LPA: variants seen among roughly 807,000 people sequenced by gnomAD.
LPA encodes apolipoprotein(a).
In LPA, 199 loss-of-function variants were observed where a neutral mutation model predicts 197.9. The ratio of observed to expected loss-of-function variants is 1.01; its 90% CI spans 0.90 to 1.13. The LOEUF (loss-of-function observed/expected upper bound fraction) is 1.13, where lower values mean the gene tolerates loss of function less well. LPA is among the 50% of genes most tolerant of loss of function. The pLI, the probability that LPA is intolerant of heterozygous loss-of-function variation, is 0.00. For synonymous variants in LPA, 715 were observed against 639.5 expected (o/e 1.12, Z -1.78); for missense variants, 1,853 against 1,785.8 (o/e 1.04, Z -0.68).
intron 36 of LPA, 34 bp downstream of exon 36, chr6:160,540,009 C>T (rs759840734): frequency 1.2e-6 from 2 of 1,614,026 alleles, no homozygotes; most frequent in South Asian, 1.1e-5. Context: ...ATATCTTCAC[C>T]AGCGTGGGGT....
chr6:160,585,278 A>C, intron 25 of LPA, 73 bp from the exon 26 acceptor site: 1 of 1,414,484 alleles, frequency 7.1e-7, no homozygotes, highest in Non-Finnish European at 1.0e-6. Flanking sequence ...ATGACACACA[A>C]AGTGGAATAA....
intron 16 of LPA, among the ~76,000 whole-genome samples, chr6:160,609,702 T>A (rs1467898434): frequency 6.6e-6 from 1 of 152,104 alleles, no homozygotes; most frequent in Admixed American, 6.6e-5. Flanking sequence ...TCTTATATTT[T>A]CCTGCATGTC....
chr6:160,538,479 A>G (rs1222723536), intron 36 of LPA, among the ~76,000 whole-genome samples: 1 of 152,192 alleles, frequency 6.6e-6, no homozygotes, highest in African/African-American at 2.4e-5. Context: ...CATCAAATGA[A>G]AGAGGATGGG....
chr6:160,568,633 C>T (rs1583584694), intron 28 of LPA, among the ~76,000 whole-genome samples: 1 of 152,212 alleles, frequency 6.6e-6, no homozygotes, highest in African/African-American at 2.4e-5. Flanking sequence ...GAAGTTCTGG[C>T]CAGGGCAATT....
chr6:160,565,362 T>C (rs746317881), intron 28 of LPA, among the ~76,000 whole-genome samples: 8 of 152,310 alleles, frequency 5.3e-5, no homozygotes, highest in Non-Finnish European at 1.0e-4. Flanking sequence ...TTTGCTGTTC[T>C]GTAATATTTG....
chr6:160,564,193 T>A (rs1778410480), intron 28 of LPA, among the ~76,000 whole-genome samples: 1 of 152,250 alleles, frequency 6.6e-6, no homozygotes, highest in East Asian at 1.9e-4. Context: ...GTTTTTGCAG[T>A]AGCTGTTACT....
At chr6:160,587,739 T>G (rs1778938050) in intron 24 of LPA, among the ~76,000 whole-genome samples, 1 of 148,836 alleles carries the variant, frequency 6.7e-6, no homozygotes, top group South Asian at 2.2e-4. Flanking sequence ...TGTTGATTAA[T>G]AGGTTCAGTC....
At chr6:160,589,812 G>T in intron 23 of LPA, 100 bp from the exon 24 acceptor site, 1 of 1,377,202 alleles carries the variant, frequency 7.3e-7, no homozygotes, top group Non-Finnish European at 1.0e-6. Context: ...CTCTGAAAAT[G>T]ACGACCATGC....
chr6:160,608,499 C>G (rs1284599270), intron 16 of LPA, among the ~76,000 whole-genome samples: 1 of 152,118 alleles, frequency 6.6e-6, no homozygotes, highest in Non-Finnish European at 1.5e-5. Flanking sequence ...TGTTTTTCCC[C>G]AGTTTCTCAT....
chr6:160,597,531 A>T (rs1382366165), intron 20 of LPA, among the ~76,000 whole-genome samples: 4 of 152,148 alleles, frequency 2.6e-5, no homozygotes, highest in African/African-American at 9.7e-5. Context: ...CTATTGAATT[A>T]TTTTTCAGTT....
rs535956617 is a variant in LPA at position 160,545,821 on chromosome 6, T to A, written c.5305-288A>T. ...CAGGAGCTTGACCCACTGGAGGTCT[T>A]AGAGCTAGAGCCTCAGAGGACAGTG... On this transcript the variant is annotated intron_variant, in intron 32 of 38. Transcript: ENST00000316300. Among the ~76,000 whole-genome samples, 6 of 152,220 alleles carry A rather than the reference T, an allele frequency of 3.9e-5. No individual in the cohort carries two copies. In the East Asian group the frequency reaches 7.7e-4, roughly 20 times the overall value.
rs1167489693 is a variant in LPA at position 160,606,551 on chromosome 6, G to C, written c.2711C>G (p.Ser904Ter). ...RWEYCNLTQC[S>*]DAEGTAVAPP... is the part of the protein sequence containing the mutation. ...CGCGACGGCAGTCCCTTCTGCGTCT[G>C]AGCATTGTGTCAGGTTGCAGTACTC... Residue 904 changes from serine (S) to a stop codon, truncating the protein, a stop_gained, in exon 17 of 39, where the codon TCA becomes TGA. Transcript: ENST00000316300. LOFTEE classifies it high-confidence loss of function. The C allele has an allele frequency of 1.2e-6, 2 of 1,613,796 alleles. No homozygotes were observed. Among genetic ancestry groups the C allele is most frequent in the Non-Finnish European group, 8.5e-7 (1 of 1,179,968 alleles).
At chr6:160,555,944 C>G (rs984753937) in intron 30 of LPA, 81 bp downstream of exon 30, 11 of 1,203,226 alleles carry the variant, frequency 9.1e-6, no homozygotes, top group African/African-American at 1.5e-5. Flanking sequence ...TTTGTCCTAA[C>G]AAGTTAGCTT....
At chr6:160,603,581 A>T (rs959106735) in intron 18 of LPA, among the ~76,000 whole-genome samples, 1 of 152,148 alleles carries the variant, frequency 6.6e-6, no homozygotes, top group Admixed American at 6.5e-5. Flanking sequence ...TGCCATTCTA[A>T]TCATTTCTGT....
chr6:160,577,930 G>A (rs1181538200), intron 27 of LPA, among the ~76,000 whole-genome samples: 4 of 152,166 alleles, frequency 2.6e-5, no homozygotes, highest in Non-Finnish European at 4.4e-5. Context: ...CAGGTTTCAT[G>A]AGAAGAAGAG....
intron 26 of LPA, among the ~76,000 whole-genome samples, chr6:160,582,579 G>C (rs575746722): frequency 1.3e-5 from 2 of 152,030 alleles, no homozygotes; most frequent in Non-Finnish European, 2.9e-5. Flanking sequence ...CTATGTAAAG[G>C]TATGTTTTTT....
Position 160,654,873 on chromosome 6 carries a change from C to T in LPA, c.50-4376G>A, listed in dbSNP as rs577653041. On this transcript the variant is annotated intron_variant, in intron 1 of 38. Transcript: ENST00000316300. The stretch of plus-strand genomic sequence containing the variant: ...TTTCGGGTGGTGCCTGCATATCGTG[C>T]AGAACCATCTATGAACCAGTCCTTA... Among the ~76,000 whole-genome samples the T allele has an allele frequency of 3.9e-5, 6 of 152,298 alleles. No individual in the cohort carries two copies. In the South Asian group the frequency reaches 1.0e-3, roughly 26 times the overall value.
chr6:160,649,899 A>G (rs528557482), intron 2 of LPA, among the ~76,000 whole-genome samples: 25 of 152,336 alleles, frequency 1.6e-4, no homozygotes, highest in African/African-American at 6.0e-4. Context: ...TGGAATAGAC[A>G]TAGATATAGA....
chr6:160,590,584 T>C (rs1224188273), intron 23 of LPA, among the ~76,000 whole-genome samples: 1 of 152,228 alleles, frequency 6.6e-6, no homozygotes, highest in Non-Finnish European at 1.5e-5. Flanking sequence ...TACTGTCTAC[T>C]TGAAGAAATA....
Sources: gnomAD v4.1 joint callset for allele counts (sites outside exome capture counted in the v4.1 genomes callset) on GRCh38, gnomAD v4.1.1 for gene constraint, MANE v1.5 for transcripts, NCBI Gene and HGNC (gene_info 2026-07-23, HGNC 2026-07-21) for gene names.